GRM1: variants seen among roughly 807,000 people sequenced by gnomAD.
GRM1 encodes the protein glutamate metabotropic receptor 1.
GRM1 carries 33 observed loss-of-function variants against 90.9 expected under a neutral mutation model. That is an observed-to-expected ratio of 0.36 (90% CI 0.28 to 0.49). The LOEUF (loss-of-function observed/expected upper bound fraction) is 0.49, where lower values mean the gene tolerates loss of function less well. GRM1 is among the 20% of genes least tolerant of loss of function. The pLI is 0.99. For missense variants in GRM1, 1,190 were observed against 1,534.3 expected, an observed-to-expected ratio of 0.78 and a Z score of 3.75; for synonymous variants, 700 against 613.2, an observed-to-expected ratio of 1.14 and a Z score of -2.09.
chr6:146,132,934 T>C lies in GRM1; in HGVS notation c.701-26414T>C, dbSNP rs531319504. 8.5e-4 allele frequency among the ~76,000 whole-genome samples: 129 copies of C among 152,352 alleles called. 1 individual carries two copies. Among genetic ancestry groups the C allele is most frequent in the Non-Finnish European group, 1.3e-3 (86 of 68,030 alleles). On this transcript the variant is annotated intron_variant, in intron 1 of 7. Coordinates refer to ENST00000282753, the MANE Select transcript of GRM1 (RefSeq NM_001278064.2). Reference sequence around the variant, plus strand: ...CCTGGCATGTACATGCTGGAAAACATTGAACAACAAAGAGATCATATTGAT... The same window carrying C: ...CCTGGCATGTACATGCTGGAAAACACTGAACAACAAAGAGATCATATTGAT...
At chr6:146,106,225 T>TA (rs747723310) in intron 1 of GRM1, among the ~76,000 whole-genome samples, 8 of 152,226 alleles carry the variant, frequency 5.3e-5, no homozygotes, top group African/African-American at 9.6e-5. Context: ...AAATTCTCTT[T>TA]AAATGCAACT....
At chr6:146,179,670 T>G (rs1778471041) in intron 2 of GRM1, among the ~76,000 whole-genome samples, 1 of 152,138 alleles carries the variant, frequency 6.6e-6, no homozygotes, top group African/African-American at 2.4e-5. Flanking sequence ...CCGGCCACCA[T>G]GCCCAGCTAA....
chr6:146,093,068 T>A (rs1024871608), intron 1 of GRM1, among the ~76,000 whole-genome samples: 1 of 152,136 alleles, frequency 6.6e-6, no homozygotes, highest in African/African-American at 2.4e-5. Flanking sequence ...CTCTAAGTTT[T>A]AGGTATATGC....
chr6:146,080,215 G>A (rs1444236505), intron 1 of GRM1, among the ~76,000 whole-genome samples: 5 of 152,168 alleles, frequency 3.3e-5, no homozygotes, highest in Non-Finnish European at 7.3e-5. Flanking sequence ...TAGCAATTAA[G>A]TTTACCTACC....
At chr6:146,036,149 A>G (rs946447728) in intron 1 of GRM1, among the ~76,000 whole-genome samples, 1 of 151,972 alleles carries the variant, frequency 6.6e-6, no homozygotes, top group Non-Finnish European at 1.5e-5. Context: ...GATTTTCAGT[A>G]ACTGGGCAGT....
intron 2 of GRM1, among the ~76,000 whole-genome samples, chr6:146,302,744 C>T (rs1274595830): frequency 6.6e-6 from 1 of 151,772 alleles, no homozygotes; most frequent in Non-Finnish European, 1.5e-5. Flanking sequence ...GCTGTAGCAC[C>T]GTGGGGGCAG....
chr6:146,179,659 G>A (rs942274746), intron 2 of GRM1, among the ~76,000 whole-genome samples: 1 of 152,130 alleles, frequency 6.6e-6, no homozygotes, highest in Non-Finnish European at 1.5e-5. Context: ...GACTACAGGT[G>A]CCGGCCACCA....
intron 2 of GRM1, among the ~76,000 whole-genome samples, chr6:146,265,821 T>A (rs1407042645): frequency 6.6e-6 from 1 of 152,232 alleles, no homozygotes. Context: ...ACCATCATTG[T>A]ATGTGGCTTT....
At chr6:146,222,042 C>A (rs180768341) in intron 2 of GRM1, among the ~76,000 whole-genome samples, 2 of 152,224 alleles carry the variant, frequency 1.3e-5, no homozygotes, top group Non-Finnish European at 2.9e-5. Context: ...TATAGAGAAA[C>A]TCAGGTGTGT....
intron 2 of GRM1, among the ~76,000 whole-genome samples, chr6:146,285,837 G>A (rs1214875934): frequency 2.6e-5 from 4 of 152,120 alleles, no homozygotes; most frequent in Non-Finnish European, 4.4e-5. Context: ...TTTGAGAACA[G>A]GAGCTGTGTC....
intron 7 of GRM1, among the ~76,000 whole-genome samples, chr6:146,428,550 A>C (rs1296330934): frequency 2.6e-5 from 4 of 152,326 alleles, no homozygotes; most frequent in African/African-American, 9.6e-5. Context: ...GCTGAGGAGC[A>C]TAAAAATCTC....
chr6:146,112,938 C>A (rs1775615050), intron 1 of GRM1, among the ~76,000 whole-genome samples: 1 of 152,160 alleles, frequency 6.6e-6, no homozygotes, highest in South Asian at 2.1e-4. Context: ...ACTTTGGAAA[C>A]AATCAATAGA....
At chr6:146,035,946 G>A (rs1790875405) in intron 1 of GRM1, among the ~76,000 whole-genome samples, 1 of 151,902 alleles carries the variant, frequency 6.6e-6, no homozygotes, top group African/African-American at 2.4e-5. Flanking sequence ...TGATTCCTTT[G>A]CCACACAATC....
intron 2 of GRM1, among the ~76,000 whole-genome samples, chr6:146,267,580 G>A (rs1781939469): frequency 6.6e-6 from 1 of 150,800 alleles, no homozygotes; most frequent in Non-Finnish European, 1.5e-5. Flanking sequence ...ATGGATTGAG[G>A]GCAAGAAGTA....
chr6:146,334,781 A>T (rs1468624007), intron 3 of GRM1, among the ~76,000 whole-genome samples: 1 of 152,150 alleles, frequency 6.6e-6, no homozygotes, highest in African/African-American at 2.4e-5. Flanking sequence ...CATCATTTGC[A>T]TCTTCATATG....
intron 1 of GRM1, among the ~76,000 whole-genome samples, chr6:146,064,033 A>ACTTGGATTTTC (rs1562439530): frequency 1.3e-5 from 2 of 152,200 alleles, no homozygotes; most frequent in Admixed American, 1.3e-4. Context: ...CTAAACTTAC[A>ACTTGGATTTTC]TGCAAATTAA....
chr6:146,191,138 C>A (rs542262454), intron 2 of GRM1, among the ~76,000 whole-genome samples: 37 of 152,262 alleles, frequency 2.4e-4, no homozygotes, highest in African/African-American at 8.7e-4. Context: ...CAGGAAGCTT[C>A]ATTGATTCAT....
chr6:146,115,521 C>T (rs1323347942), intron 1 of GRM1, among the ~76,000 whole-genome samples: 1 of 152,046 alleles, frequency 6.6e-6, no homozygotes, highest in Non-Finnish European at 1.5e-5. Context: ...TCCTAACTGC[C>T]AAATTTCATT....
intron 2 of GRM1, among the ~76,000 whole-genome samples, chr6:146,191,951 A>G (rs1159460596): frequency 6.6e-6 from 1 of 152,242 alleles, no homozygotes; most frequent in African/African-American, 2.4e-5. Flanking sequence ...AGGACTATTT[A>G]TCACATAAGT....
Sources: allele counts gnomAD v4.1 joint callset (sites outside exome capture counted in the v4.1 genomes callset), GRCh38; gene constraint gnomAD v4.1.1; transcripts MANE v1.5; gene names NCBI Gene and HGNC (gene_info 2026-07-23, HGNC 2026-07-21).